LRRC37B: variants seen among roughly 807,000 people sequenced by gnomAD.
LRRC37B encodes the protein leucine rich repeat containing 37B, also known as leucine-rich repeat-containing protein 37B.
LRRC37B carries 28 observed loss-of-function variants against 98.3 expected under a neutral mutation model. The observed-to-expected ratio is 0.28, with a 90% CI of 0.21 to 0.39. The LOEUF is 0.39. LRRC37B is among the 10% of genes least tolerant of loss of function. LRRC37B has a pLI of 1.00. For missense variants in LRRC37B, 938 were observed against 1,182.7 expected (o/e 0.79, Z 3.03); for synonymous variants, 364 against 442.7 (o/e 0.82, Z 2.23).
At chr17:32,038,137 A>C (rs1911306019) in intron 7 of LRRC37B, among the ~76,000 whole-genome samples, 1 of 150,924 alleles carries the variant, frequency 6.6e-6, no homozygotes, top group Non-Finnish European at 1.5e-5. Context: ...AAACAAAAAA[A>C]AAAGAGTGCT....
chr17:32,041,587 C>T (rs1911436153), intron 7 of LRRC37B: 1 of 478,440 alleles, frequency 2.1e-6, no homozygotes, highest in African/African-American at 2.0e-5. Flanking sequence ...CGCCAGGTCT[C>T]CTGCCTTCCA....
chr17:32,052,097 T>C (rs2142265267), intron 11 of LRRC37B: 1 of 152,214 alleles, frequency 6.6e-6, no homozygotes, highest in East Asian at 1.9e-4. Context: ...TTGATTCTCT[T>C]AGGCTTCTTT....
At chr17:32,025,730 C>T (rs1182075146) in intron 2 of LRRC37B, among the ~76,000 whole-genome samples, 4 of 152,130 alleles carry the variant, frequency 2.6e-5, no homozygotes, top group Admixed American at 2.6e-4. Context: ...TGAGCTTATG[C>T]TTAGTGGGCA....
intron 1 of LRRC37B, among the ~76,000 whole-genome samples, chr17:32,013,907 T>C (rs956294650): frequency 1.3e-5 from 2 of 152,194 alleles, no homozygotes; most frequent in Non-Finnish European, 2.9e-5. Flanking sequence ...ACTACATCCT[T>C]CTTAAATTTC....
exon 1 of LRRC37B, chr17:32,021,699 T>C: frequency 6.2e-7 from 1 of 1,614,214 alleles, no homozygotes; most frequent in Non-Finnish European, 8.5e-7. Context: ...ACCAACCAAA[T>C]TTGTTGTTTC....
chr17:32,016,085 G>T (rs1254562038), upstream of LRRC37B, among the ~76,000 whole-genome samples: 1 of 152,092 alleles, frequency 6.6e-6, no homozygotes, highest in African/African-American at 2.4e-5. Context: ...AAAACCCAAG[G>T]CATGATGAGT....
At position 32,025,030 on chromosome 17, in the gene LRRC37B, G is replaced by GTGTT. The variant is rs1555535201; in HGVS notation, c.1832+249_1832+250insGTTT. ...CATGGTTATATTCTTTTTTTTCCTC[G>GTGTT]TTTTTTTTTTTTTTTTTTTTTTCAG... is the stretch of plus-strand genomic sequence containing the variant. On this transcript the variant is annotated intron_variant, in intron 2 of 11. Transcript: ENST00000327564. Among the ~76,000 whole-genome samples, 46 of 69,924 alleles carry GTGTT rather than the reference G, an allele frequency of 6.6e-4. 2 individuals are homozygous for GTGTT. Among genetic ancestry groups the GTGTT allele is most frequent in the African/African-American group, 2.4e-3 (44 of 18,554 alleles). 45.9% of individuals were successfully genotyped at this position (69,924 alleles called of 152,430 possible).
chr17:32,027,004 A>G (rs1033356505), intron 2 of LRRC37B, among the ~76,000 whole-genome samples: 61 of 152,362 alleles, frequency 4.0e-4, no homozygotes, highest in African/African-American at 1.4e-3. Context: ...AGTGTGGGTA[A>G]CAGAATGGAC....
intron 7 of LRRC37B, 104 bp downstream of exon 10, chr17:32,035,743 T>G: frequency 8.1e-7 from 1 of 1,234,684 alleles, no homozygotes; most frequent in South Asian, 1.4e-5. Context: ...TCATATAACA[T>G]TCACCCTTTA....
upstream of LRRC37B, chr17:32,020,874 A>C (rs970644947): frequency 6.9e-6 from 5 of 728,194 alleles, no homozygotes; most frequent in Admixed American, 7.6e-5. Context: ...AGGCCGCTGG[A>C]GTCCTGGGAC....
exon 5 of LRRC37B, chr17:32,031,419 C>A: frequency 6.2e-7 from 1 of 1,610,282 alleles, no homozygotes; most frequent in African/African-American, 1.3e-5. Flanking sequence ...AGCCTTGGAA[C>A]ATTTCAGGCC....
rs1910777705 is a variant in LRRC37B at position 32,021,470 on chromosome 17, C to CAG, written c.405_406insAG (p.Leu136SerfsTer14). On this transcript the variant is annotated frameshift_variant, in exon 1 of 12. Transcript: ENST00000327564. LOFTEE classifies it high-confidence loss of function. Reference sequence around the variant, plus strand: ...AATTGGATTCAGCTGGAGAGCTGCCCCTGGGGCCAGAGCCGTTCTTGGCTG... The same window carrying CAG: ...AATTGGATTCAGCTGGAGAGCTGCCCAGCTGGGGCCAGAGCCGTTCTTGGCTG... The CAG allele has an allele frequency of 6.2e-7, 1 of 1,614,062 alleles. No homozygotes were observed. The highest frequency in any genetic ancestry group is 1.3e-5 in the African/African-American group (1 of 74,952).
intron 5 of LRRC37B, among the ~76,000 whole-genome samples, chr17:32,034,272 G>C (rs111425443): frequency 6.6e-6 from 1 of 151,862 alleles, no homozygotes; most frequent in Admixed American, 6.6e-5. Flanking sequence ...TAGGCCGAGG[G>C]GGGTGGATCA....
At chr17:32,017,542 C>T (rs370506587), upstream of LRRC37B, among the ~76,000 whole-genome samples, 93 of 152,296 alleles carry the variant, frequency 6.1e-4, no homozygotes, top group African/African-American at 1.7e-3. Context: ...TGGTGACCCA[C>T]GCCTGAAATC....
chr17:32,044,337 A>C (rs1443130479), intron 7 of LRRC37B, among the ~76,000 whole-genome samples: 2 of 152,318 alleles, frequency 1.3e-5, no homozygotes, highest in East Asian at 3.8e-4. Flanking sequence ...TCATGTCTTC[A>C]TTTCCTTTAA....
chr17:32,046,723 C>G (rs1911595821), intron 8 of LRRC37B, among the ~76,000 whole-genome samples: 1 of 151,742 alleles, frequency 6.6e-6, no homozygotes, highest in African/African-American at 2.4e-5. Flanking sequence ...GTGCTGTAGC[C>G]TAGTGCCAGG....
upstream of LRRC37B, among the ~76,000 whole-genome samples, chr17:32,019,893 C>T (rs1370714124): frequency 6.6e-6 from 1 of 152,070 alleles, no homozygotes; most frequent in East Asian, 1.9e-4. Context: ...CTCTTGTTGC[C>T]CAGGCTGGAG....
chr17:32,025,103 C>G (rs1349569465), intron 2 of LRRC37B, among the ~76,000 whole-genome samples: 1 of 105,160 alleles, frequency 9.5e-6, no homozygotes, highest in African/African-American at 3.6e-5. Context: ...GTGGCATAAT[C>G]ACATCTCACT....
chr17:32,013,710 ATGTGTG>A (rs141872427), intron 1 of LRRC37B, among the ~76,000 whole-genome samples: 45 of 148,168 alleles, frequency 3.0e-4, no homozygotes, highest in African/African-American at 1.0e-3. Flanking sequence ...ATAATTGTAT[ATGTGTG>A]TGTGTGTGTG....
Sources: gnomAD v4.1 joint callset for allele counts (sites outside exome capture counted in the v4.1 genomes callset) on GRCh38, gnomAD v4.1.1 for gene constraint, MANE v1.5 for transcripts, NCBI Gene and HGNC (gene_info 2026-07-23, HGNC 2026-07-21) for gene names.